The following NIPBL variants were observed in gnomAD, a reference collection of about 807,000 sequenced individuals.
NIPBL encodes the protein nipped-B-like protein.
Under a neutral mutation model 321.8 loss-of-function variants are expected in NIPBL, and 19 were observed. The observed-to-expected ratio is 0.06, with a 90% CI of 0.04 to 0.09. The LOEUF (loss-of-function observed/expected upper bound fraction) is 0.09, where lower values mean the gene tolerates loss of function less well. Ranked by LOEUF, NIPBL falls within the 10% of genes least tolerant of loss-of-function variation. The pLI is 1.00. For missense variants in NIPBL, 2,210 were observed against 3,327.0 expected (o/e 0.66, Z 8.26); for synonymous variants, 1,106 against 1,114.1 (o/e 0.99, Z 0.14).
intron 10 of NIPBL, among the ~76,000 whole-genome samples, chr5:36,989,834 G>A (rs1745277673): frequency 9.4e-6 from 1 of 106,414 alleles, no homozygotes; most frequent in African/African-American, 3.7e-5. Flanking sequence ...GCGAGACTCT[G>A]TCTCCAAAAA....
rs144718523 is a variant in NIPBL, at chr5:37,052,355, A to T, written c.7063-11A>T. On this transcript the variant is annotated splice_polypyrimidine_tract_variant and intron_variant, in intron 41 of 46. Transcript: ENST00000282516. ...TTTCCCTGACAAAAATGAGACTTTT[A>T]TTGATTTCAGATGAAAGCAGTGGCT... 1 of 1,610,774 alleles carries T rather than the reference A, an allele frequency of 6.2e-7. No homozygotes were observed. The highest frequency in any genetic ancestry group is 8.5e-7 in the Non-Finnish European group (1 of 1,177,070).
chr5:36,894,187 T>A (rs1423606343), intron 1 of NIPBL, among the ~76,000 whole-genome samples: 2 of 152,174 alleles, frequency 1.3e-5, no homozygotes, highest in African/African-American at 2.4e-5. Context: ...ATTTGTGACA[T>A]TTCTAATGGA....
chr5:37,053,825 C>T (rs909707928), intron 42 of NIPBL, among the ~76,000 whole-genome samples: 3 of 152,136 alleles, frequency 2.0e-5, no homozygotes, highest in Admixed American at 2.0e-4. Context: ...AGAAGTTTAA[C>T]GAGCATAAAA....
At chr5:37,062,492 A>T (rs552224357) in intron 45 of NIPBL, among the ~76,000 whole-genome samples, 17 of 152,148 alleles carry the variant, frequency 1.1e-4, no homozygotes, top group African/African-American at 3.4e-4. Context: ...AGGACCGGGG[A>T]AGGAAAGAAC....
intron 1 of NIPBL, among the ~76,000 whole-genome samples, chr5:36,887,155 T>G (rs1439411901): frequency 6.6e-6 from 1 of 152,172 alleles, no homozygotes; most frequent in Non-Finnish European, 1.5e-5. Flanking sequence ...ATAGACATTA[T>G]TATATGGCAT....
intron 32 of NIPBL, among the ~76,000 whole-genome samples, chr5:37,028,522 G>A (rs1391487244): frequency 6.6e-6 from 1 of 151,678 alleles, no homozygotes; most frequent in East Asian, 1.9e-4. Context: ...TGTATTTTTA[G>A]TAGAGATGAA....
chr5:36,942,633 T>TG (rs1192425004), intron 1 of NIPBL, among the ~76,000 whole-genome samples: 1 of 147,848 alleles, frequency 6.8e-6, no homozygotes, highest in African/African-American at 2.5e-5. Context: ...CCCAGCTACT[T>TG]GGGGGGCTGA....
In NIPBL at chr5:37,049,321, G is replaced by A. The variant is rs763055452; in HGVS notation, c.6954+20G>A. 3 of 1,611,764 alleles carry A rather than the reference G, an allele frequency of 1.9e-6. No individual in the cohort carries two copies. Among genetic ancestry groups the A allele is most frequent in the South Asian group, 2.2e-5 (2 of 91,032 alleles). ...GTTCAGGTAAGCATGTTTTATGGCA[G>A]CAGCACTTACTAAAAGAGCAAGATT... On this transcript the variant is annotated intron_variant, in intron 40 of 46. Coordinates refer to ENST00000282516, the MANE Select transcript of NIPBL (RefSeq NM_133433.4).
intron 9 of NIPBL, among the ~76,000 whole-genome samples, chr5:36,981,463 T>C (rs1744128660): frequency 6.6e-6 from 1 of 151,764 alleles, no homozygotes; most frequent in Non-Finnish European, 1.5e-5. Flanking sequence ...TTCTCTCTTC[T>C]TTGAGCAGTT....
At chr5:36,911,589 T>A (rs1748055516) in intron 1 of NIPBL, among the ~76,000 whole-genome samples, 1 of 152,230 alleles carries the variant, frequency 6.6e-6, no homozygotes, top group South Asian at 2.1e-4. Flanking sequence ...TATTCTATAC[T>A]AGAAACTCTT....
At chr5:36,899,117 A>T (rs1334717054) in intron 1 of NIPBL, among the ~76,000 whole-genome samples, 7 of 152,250 alleles carry the variant, frequency 4.6e-5, no homozygotes, top group African/African-American at 1.7e-4. Flanking sequence ...TTTGATTCTC[A>T]CTTTGGGAAA....
chr5:36,967,284 A>C (rs956097471), intron 6 of NIPBL, among the ~76,000 whole-genome samples: 4 of 152,146 alleles, frequency 2.6e-5, no homozygotes, highest in Non-Finnish European at 4.4e-5. Context: ...TTCAGTCTTC[A>C]TAGTGATATA....
At chr5:36,894,120 A>C (rs1746550220) in intron 1 of NIPBL, among the ~76,000 whole-genome samples, 1 of 152,198 alleles carries the variant, frequency 6.6e-6, no homozygotes. Flanking sequence ...TTGCCTTTCT[A>C]CTGATTTGAT....
intron 32 of NIPBL, among the ~76,000 whole-genome samples, chr5:37,031,463 G>C (rs1751008946): frequency 6.6e-6 from 1 of 152,060 alleles, no homozygotes; most frequent in African/African-American, 2.4e-5. Flanking sequence ...AAATTGAGTA[G>C]CCCTTTATGA....
At chr5:36,979,295 T>C (rs922913448) in intron 9 of NIPBL, among the ~76,000 whole-genome samples, 6 of 151,986 alleles carry the variant, frequency 3.9e-5, no homozygotes, top group African/African-American at 1.2e-4. Flanking sequence ...CTTGTAAAGC[T>C]CTTGCAACTC....
intron 1 of NIPBL, chr5:36,885,944 A>G (rs1341286169): frequency 4.1e-6 from 3 of 736,032 alleles, no homozygotes; most frequent in Non-Finnish European, 7.5e-6. Flanking sequence ...CCTCGCCAAG[A>G]TCATGGCAGA....
chr5:36,878,944 TTGCTACGGGGCCTCAGGCCTAC>T lies in NIPBL; in HGVS notation c.-80+1770_-80+1791del, dbSNP rs1745301490. ...GCTGCCTGCTCCTGTTAGACACTGT[TTGCTACGGGGCCTCAGGCCTAC>T]TGCGGGTGGGGGGGTGTGCGAGTGG... is the stretch of plus-strand genomic sequence containing the variant. On this transcript the variant is annotated intron_variant, in intron 1 of 46. Coordinates refer to ENST00000282516, the MANE Select transcript of NIPBL (RefSeq NM_133433.4). Among the ~76,000 whole-genome samples, 3 of 141,408 alleles carry T rather than the reference TTGCTACGGGGCCTCAGGCCTAC, an allele frequency of 2.1e-5. No individual in the cohort carries two copies. In the South Asian group the frequency reaches 7.7e-4, roughly 36 times the overall value. 92.8% of individuals were successfully genotyped at this position (141,408 alleles called of 152,430 possible).
At position 36,984,547 on chromosome 5, in the gene NIPBL, A is replaced by G; in HGVS notation, c.1496-129A>G. 5 of 736,872 alleles carry G rather than the reference A, an allele frequency of 6.8e-6. No individual in the cohort carries two copies. The East Asian group carries it at 1.1e-4, about 16-fold the overall frequency. 45.6% of individuals were successfully genotyped at this position (736,872 alleles called of 1,614,324 possible). On this transcript the variant is annotated intron_variant, in intron 9 of 46. Transcript: ENST00000282516. ...TTCATGCTTACTATTTTATGTGTAC[A>G]TATTTGCATTTGCATTTTACTCCAT... is the stretch of plus-strand genomic sequence containing the variant.
At position 36,979,184 on chromosome 5, in the gene NIPBL, G is replaced by A. The variant is rs553221683; in HGVS notation, c.1495+2782G>A. ...TCTGTAGATTACTTTGGGCAGTATA[G>A]TCAGTTTTAACAATATTGATTCTTC... On this transcript the variant is annotated intron_variant, in intron 9 of 46. Transcript: ENST00000282516. Among the ~76,000 whole-genome samples, 264 of 152,104 alleles carry A rather than the reference G, an allele frequency of 1.7e-3. 4 individuals are homozygous for A. In the South Asian group the frequency reaches 0.028, roughly 16 times the overall value.
Sources: gnomAD v4.1 joint callset for allele counts (sites outside exome capture counted in the v4.1 genomes callset) on GRCh38, gnomAD v4.1.1 for gene constraint, MANE v1.5 for transcripts, NCBI Gene and HGNC (gene_info 2026-07-23, HGNC 2026-07-21) for gene names.